TMEM116: variants seen among roughly 807,000 people sequenced by gnomAD.
TMEM116 encodes transmembrane protein 116.
A neutral mutation model predicts 44.3 loss-of-function variants in TMEM116; 38 were observed. That is an observed-to-expected ratio of 0.86 (90% confidence interval 0.66 to 1.12). TMEM116 has a LOEUF of 1.12. TMEM116 is among the 50% of genes most tolerant of loss of function. The pLI, the probability that TMEM116 is intolerant of heterozygous loss-of-function variation, is 0.00. For missense variants in TMEM116, 354 were observed against 401.7 expected (o/e 0.88, Z 1.01); for synonymous variants, 132 against 144.8 (o/e 0.91, Z 0.64).
intron 4 of TMEM116, among the ~76,000 whole-genome samples, chr12:111,951,463 A>G (rs1373353455): frequency 6.6e-6 from 1 of 152,238 alleles, no homozygotes; most frequent in Non-Finnish European, 1.5e-5. Context: ...TGGTACATAT[A>G]TATCATGGAA....
At chr12:111,976,442 T>C (rs1319672930) in intron 4 of TMEM116, among the ~76,000 whole-genome samples, 1 of 152,112 alleles carries the variant, frequency 6.6e-6, no homozygotes, top group Non-Finnish European at 1.5e-5. Flanking sequence ...ATTGCGCCAC[T>C]GCACTCTAGC....
At chr12:111,940,878 G>A (rs1032244173) in intron 5 of TMEM116, among the ~76,000 whole-genome samples, 5 of 151,984 alleles carry the variant, frequency 3.3e-5, no homozygotes, top group African/African-American at 1.2e-4. Context: ...TAGTCTACTG[G>A]CTTTTGAGTG....
chr12:112,007,401 G>A (rs1412382230), intron 1 of TMEM116, among the ~76,000 whole-genome samples: 1 of 152,112 alleles, frequency 6.6e-6, no homozygotes, highest in Non-Finnish European at 1.5e-5. Flanking sequence ...ATGACAGAGC[G>A]AGACTCCATC....
chr12:111,997,669 AAGCC>A (rs2077004205), intron 3 of TMEM116, among the ~76,000 whole-genome samples: 1 of 152,192 alleles, frequency 6.6e-6, no homozygotes, highest in Non-Finnish European at 1.5e-5. Context: ...TCTTTCTCCC[AAGCC>A]CACCTATACA....
intron 4 of TMEM116, among the ~76,000 whole-genome samples, chr12:111,980,113 C>A (rs953442933): frequency 5.6e-4 from 86 of 152,314 alleles, no homozygotes; most frequent in African/African-American, 1.8e-3. Flanking sequence ...TATGTCCACA[C>A]AAAAACCTGC....
At chr12:111,996,247 T>A (rs2076926967) in intron 3 of TMEM116, among the ~76,000 whole-genome samples, 1 of 151,880 alleles carries the variant, frequency 6.6e-6, no homozygotes, top group Non-Finnish European at 1.5e-5. Flanking sequence ...TGAGTCTGTG[T>A]CAAGACACCA....
intron 4 of TMEM116, among the ~76,000 whole-genome samples, chr12:111,970,212 GA>G (rs1354994050): frequency 6.6e-6 from 1 of 151,314 alleles, no homozygotes; most frequent in African/African-American, 2.4e-5. Context: ...CTGGGAGGCA[GA>G]AGTTGCAGTA....
At chr12:112,010,152 C>T (rs970697378) in intron 1 of TMEM116, among the ~76,000 whole-genome samples, 2 of 152,196 alleles carry the variant, frequency 1.3e-5, no homozygotes, top group African/African-American at 4.8e-5. Flanking sequence ...ATGTTCATTC[C>T]CGTATCTGCT....
At position 111,992,269 on chromosome 12, in the gene TMEM116, CT is replaced by C. The variant is rs534630152; in HGVS notation, c.79-381del. On this transcript the variant is annotated intron_variant, in intron 3 of 10. Coordinates refer to ENST00000552374, the MANE Select transcript of TMEM116 (RefSeq NM_001193531.2). ...TTAGTGGCACAGGCAACATCTTCTA[CT>C]TTTTTTTTTTTTTTTTGGAGACAGA... is the stretch of plus-strand genomic sequence containing the variant. Among the ~76,000 whole-genome samples the C allele has an allele frequency of 4.8e-3, 673 of 139,204 alleles. 2 individuals are homozygous for C. The highest frequency in any genetic ancestry group is 0.011 in the Middle Eastern group (3 of 276). 91.3% of individuals were successfully genotyped at this position (139,204 alleles called of 152,430 possible).
At chr12:111,936,433 GA>G in intron 8 of TMEM116, 1 of 338,530 alleles carries the variant, frequency 3.0e-6, no homozygotes. Flanking sequence ...ATAGGGGATT[GA>G]TGAAGCCTAT....
intron 6 of TMEM116, among the ~76,000 whole-genome samples, chr12:111,937,738 TA>T (rs1302073138): frequency 6.6e-6 from 1 of 152,158 alleles, no homozygotes; most frequent in Non-Finnish European, 1.5e-5. Flanking sequence ...TCACAAAGTC[TA>T]AAACCAACTC....
At chr12:112,005,328 T>G in intron 1 of TMEM116, 25 bp from the exon 2 acceptor site, 2 of 1,287,772 alleles carry the variant, frequency 1.6e-6, no homozygotes, top group Non-Finnish European at 2.0e-6. Flanking sequence ...GAAAACGGAA[T>G]AAAATTAAAC....
chr12:111,993,159 G>T, intron 3 of TMEM116: 1 of 291,820 alleles, frequency 3.4e-6, no homozygotes, highest in South Asian at 4.2e-5. Flanking sequence ...GTACAGTTGT[G>T]AATTTGACTC....
chr12:111,934,694 G>GC (rs1230736721), intron 8 of TMEM116: 2 of 151,946 alleles, frequency 1.3e-5, no homozygotes, highest in Admixed American at 6.6e-5. Flanking sequence ...GGAGGCAGAG[G>GC]TTGTAGTGAG....
In TMEM116 at chr12:111,936,790, G is replaced by T. The variant is rs763917266; in HGVS notation, c.490C>A (p.Leu164Ile). Residue 164 changes from leucine (L) to isoleucine (I), a missense_variant, in exon 8 of 11, where the codon CTT becomes ATT. Leu to Ile is a conservative substitution (Grantham distance 5). Transcript: ENST00000552374. ...MHSPPSAMAE[L>I]PPSANTSVCS... ...ACAGATGTGTTGGCAGAAGGTGGAAGTTCAGCCATGGCTGATGGTGGTGAG... is the reference window on the plus strand; with the variant it reads ...ACAGATGTGTTGGCAGAAGGTGGAATTTCAGCCATGGCTGATGGTGGTGAG... 19 of 1,612,372 alleles carry T rather than the reference G, an allele frequency of 1.2e-5. No individual in the cohort carries two copies. The South Asian group carries it at 2.0e-4, about 17-fold the overall frequency.
At chr12:111,995,399 GA>G (rs538834974) in intron 3 of TMEM116, among the ~76,000 whole-genome samples, 2 of 150,292 alleles carry the variant, frequency 1.3e-5, no homozygotes, top group Non-Finnish European at 3.0e-5. Flanking sequence ...ATCCATACAG[GA>G]AAAAAAAATG....
chr12:111,994,144 T>C (rs1232464055), intron 3 of TMEM116, among the ~76,000 whole-genome samples: 1 of 152,222 alleles, frequency 6.6e-6, no homozygotes, highest in Admixed American at 6.5e-5. Flanking sequence ...TATTTGACAG[T>C]GTAGGAAATT....
chr12:111,984,912 A>C (rs900000560), intron 4 of TMEM116, among the ~76,000 whole-genome samples: 4 of 152,184 alleles, frequency 2.6e-5, no homozygotes, highest in Non-Finnish European at 5.9e-5. Context: ...ATTTTATTAT[A>C]CATTTACCAA....
chr12:111,975,318 T>C (rs1472336972), intron 4 of TMEM116, among the ~76,000 whole-genome samples: 1 of 141,728 alleles, frequency 7.1e-6, no homozygotes, highest in Non-Finnish European at 1.5e-5. Flanking sequence ...CCAGCTTATA[T>C]ATACAAACAT....
Sources: allele counts gnomAD v4.1 joint callset (sites outside exome capture counted in the v4.1 genomes callset), GRCh38; gene constraint gnomAD v4.1.1; transcripts MANE v1.5; gene names NCBI Gene and HGNC (gene_info 2026-07-23, HGNC 2026-07-21).